Variants in FAM135A observed in about 807,000 individuals in gnomAD.
FAM135A encodes the protein protein FAM135A.
A neutral mutation model predicts 146.8 loss-of-function variants in FAM135A; 79 were observed. The observed-to-expected ratio is 0.54, with a 90% CI of 0.45 to 0.65. The LOEUF is 0.65. Ranked by LOEUF, FAM135A falls within the 30% of genes least tolerant of loss-of-function variation. The probability of loss-of-function intolerance (pLI) is 0.00; values close to 1 mark genes in which losing one functional copy is unlikely to be tolerated. For missense variants in FAM135A, 1,623 were observed against 1,758.2 expected (o/e 0.92, Z 1.38); for synonymous variants, 562 against 603.6 (o/e 0.93, Z 1.01).
intron 20 of FAM135A, among the ~76,000 whole-genome samples, chr6:70,549,947 G>T (rs940137546): frequency 7.9e-5 from 12 of 152,098 alleles, no homozygotes; most frequent in African/African-American, 2.7e-4. Flanking sequence ...TGTCATTTCA[G>T]CAATGTTCAC....
chr6:70,515,154 A>G (rs776673291), intron 12 of FAM135A, among the ~76,000 whole-genome samples: 5 of 152,242 alleles, frequency 3.3e-5, no homozygotes, highest in Non-Finnish European at 7.3e-5. Flanking sequence ...ATTCCCATTC[A>G]TTCCTGGTAG....
Position 70,442,693 on chromosome 6 carries a change from G to T in FAM135A, c.78-9799G>T, listed in dbSNP as rs143146115. The stretch of plus-strand genomic sequence containing the variant: ...TCTTAGAGGTAACTCCTCTAAGTGT[G>T]AGTGATTAACATTCGGGTGGTAACA... On this transcript the variant is annotated intron_variant, in intron 4 of 21. Transcript: ENST00000418814. Among the ~76,000 whole-genome samples the T allele has an allele frequency of 1.6e-3, 237 of 151,980 alleles. 2 individuals are homozygous for T. Among genetic ancestry groups the T allele is most frequent in the Non-Finnish European group, 2.7e-3 (183 of 67,970 alleles).
chr6:70,449,565 GT>G (rs1282903820), intron 4 of FAM135A, among the ~76,000 whole-genome samples: 1 of 152,008 alleles, frequency 6.6e-6, no homozygotes, highest in Non-Finnish European at 1.5e-5. Flanking sequence ...CATTCATGTT[GT>G]TGCAAATGAC....
intron 12 of FAM135A, among the ~76,000 whole-genome samples, chr6:70,510,104 T>A (rs1188106200): frequency 6.6e-6 from 1 of 152,016 alleles, no homozygotes; most frequent in Admixed American, 6.6e-5. Context: ...CATAAAAAAA[T>A]ACTGTAGAAC....
At chr6:70,523,832 GCT>G in intron 13 of FAM135A, 133 bp from the exon 14 acceptor site, 1 of 733,462 alleles carries the variant, frequency 1.4e-6, no homozygotes, top group South Asian at 2.3e-5. Context: ...TGACCAAGCA[GCT>G]CTCTCATAAG....
chr6:70,432,943 G>T (rs1477223616), intron 4 of FAM135A, among the ~76,000 whole-genome samples: 1 of 151,494 alleles, frequency 6.6e-6, no homozygotes. Flanking sequence ...AGAGTTAAAA[G>T]GACAATATAA....
At chr6:70,454,779 G>A (rs1285310511) in intron 5 of FAM135A, among the ~76,000 whole-genome samples, 1 of 151,844 alleles carries the variant, frequency 6.6e-6, no homozygotes, top group African/African-American at 2.4e-5. Flanking sequence ...CTCTCTTTTG[G>A]TACCAGTGCC....
chr6:70,485,491 A>T (rs1160730085), intron 10 of FAM135A, among the ~76,000 whole-genome samples: 3 of 152,136 alleles, frequency 2.0e-5, no homozygotes, highest in African/African-American at 7.2e-5. Context: ...GTGAACACTA[A>T]TATATTTCTA....
At chr6:70,544,638 G>T (rs549456082) in intron 20 of FAM135A, among the ~76,000 whole-genome samples, 3 of 152,122 alleles carry the variant, frequency 2.0e-5, no homozygotes, top group Non-Finnish European at 4.4e-5. Flanking sequence ...CCACTCCAGA[G>T]GCTGAGGCAC....
Position 70,491,005 on chromosome 6 carries a change from A to T in FAM135A, c.824-29A>T, listed in dbSNP as rs1028615337. 7.3e-6 allele frequency: 11 copies of T among 1,511,484 alleles called. No individual in the cohort carries two copies. In the African/African-American group the frequency reaches 1.3e-4, roughly 17 times the overall value. The allele number at this position is 1,511,484 out of a possible 1,614,324, so 93.6% of individuals were successfully genotyped here. ...TATAAATTAAATATCTAACATTGGA[A>T]TATTTCCTCTACTCTTTACTCCTTC... is the stretch of plus-strand genomic sequence containing the variant. On this transcript the variant is annotated intron_variant, in intron 10 of 21. Transcript: ENST00000418814.
chr6:70,506,757 TTA>T (rs1789866188), intron 12 of FAM135A, among the ~76,000 whole-genome samples: 1 of 151,402 alleles, frequency 6.6e-6, no homozygotes. Flanking sequence ...TTTTTAATTT[TTA>T]TGTTTTTATT....
intron 8 of FAM135A, among the ~76,000 whole-genome samples, chr6:70,480,192 A>G (rs1726680586): frequency 6.6e-6 from 1 of 152,190 alleles, no homozygotes; most frequent in African/African-American, 2.4e-5. Flanking sequence ...GTTAATACTA[A>G]CAGAAGTAAT....
intron 4 of FAM135A, among the ~76,000 whole-genome samples, chr6:70,449,865 T>TTA (rs1776651148): frequency 1.3e-5 from 2 of 152,354 alleles, no homozygotes; most frequent in Non-Finnish European, 2.9e-5. Flanking sequence ...CTGTGCTAAT[T>TTA]TACATTCTCA....
chr6:70,503,914 C>T (rs571434158), intron 12 of FAM135A: 16 of 152,282 alleles, frequency 1.1e-4, no homozygotes, highest in African/African-American at 3.4e-4. Flanking sequence ...TCTTGGATTA[C>T]TTCTAACTTG....
chr6:70,465,504 C>T (rs780096108), intron 5 of FAM135A, among the ~76,000 whole-genome samples: 5 of 152,076 alleles, frequency 3.3e-5, no homozygotes, highest in Non-Finnish European at 5.9e-5. Context: ...TCACTGCCCT[C>T]GACCTCTTGA....
chr6:70,508,643 T>C (rs1790324745), intron 12 of FAM135A, among the ~76,000 whole-genome samples: 1 of 152,158 alleles, frequency 6.6e-6, no homozygotes, highest in South Asian at 2.1e-4. Context: ...AAAGTAACAG[T>C]TGAGTTCACA....
chr6:70,503,328 G>A (rs1788995255), intron 12 of FAM135A: 1 of 152,088 alleles, frequency 6.6e-6, no homozygotes, highest in African/African-American at 2.4e-5. Flanking sequence ...GGTTTTACGT[G>A]TTAAATAACT....
chr6:70,429,173 C>T (rs796069776), intron 4 of FAM135A, among the ~76,000 whole-genome samples: 7 of 152,050 alleles, frequency 4.6e-5, no homozygotes, highest in African/African-American at 1.7e-4. Context: ...TTCAGTACAG[C>T]CACATGAATC....
chr6:70,507,546 A>G (rs1790067123), intron 12 of FAM135A, among the ~76,000 whole-genome samples: 1 of 152,172 alleles, frequency 6.6e-6, no homozygotes, highest in Non-Finnish European at 1.5e-5. Flanking sequence ...GAGTTGGACT[A>G]AAAAGAGGAA....
Sources: allele counts gnomAD v4.1 joint callset (sites outside exome capture counted in the v4.1 genomes callset), GRCh38; gene constraint gnomAD v4.1.1; transcripts MANE v1.5; gene names NCBI Gene and HGNC (gene_info 2026-07-23, HGNC 2026-07-21).